Variants in NEURL1 observed in about 807,000 individuals in gnomAD.
NEURL1 encodes E3 ubiquitin-protein ligase NEURL1.
NEURL1 carries 26 observed loss-of-function variants against 41.2 expected under a neutral mutation model. The ratio of observed to expected loss-of-function variants is 0.63; its 90% CI spans 0.46 to 0.87. NEURL1 has a LOEUF of 0.87. Among genes scored for constraint, NEURL1 ranks in the 40% least tolerant of loss-of-function variants. The pLI, the probability that NEURL1 is intolerant of heterozygous loss-of-function variation, is 0.00. For missense variants in NEURL1, 761 were observed against 871.1 expected, an observed-to-expected ratio of 0.87 and a Z score of 1.59; for synonymous variants, 400 against 402.3, an observed-to-expected ratio of 0.99 and a Z score of 0.07.
At position 103,574,989 on chromosome 10, in the gene NEURL1, A is replaced by AT. The variant is rs35652840; in HGVS notation, c.649+3181dup. ...ATATCCCTTCATTTATTCTTCCTGA[A>AT]TTTTTTTTTTTTTTGGTAAAGAGAG... On this transcript the variant is annotated intron_variant, in intron 3 of 5. Coordinates refer to ENST00000369780, the MANE Select transcript of NEURL1 (RefSeq NM_004210.5). Among the ~76,000 whole-genome samples the AT allele has an allele frequency of 8.5e-3, 1,231 of 145,142 alleles. 16 individuals carry two copies. Among genetic ancestry groups the AT allele is most frequent in the African/African-American group, 0.026 (1,038 of 39,220 alleles).
intron 1 of NEURL1, among the ~76,000 whole-genome samples, chr10:103,525,299 A>G (rs1244910957): frequency 6.7e-6 from 1 of 148,174 alleles, no homozygotes; most frequent in Non-Finnish European, 1.5e-5. Context: ...TACTGAATTC[A>G]TTTATTAGTT....
chr10:103,574,227 G>A lies in NEURL1; in HGVS notation c.649+2405G>A, dbSNP rs544978848. Among the ~76,000 whole-genome samples the A allele has an allele frequency of 3.9e-5, 6 of 152,350 alleles. No individual in the cohort carries two copies. In the South Asian group the frequency reaches 1.2e-3, roughly 32 times the overall value. ...AGGCTCATTGGGAAGTTAGGGAGAT[G>A]AAGCAAACACTCCAGACGATGCAAG... On this transcript the variant is annotated intron_variant, in intron 3 of 5. Coordinates refer to ENST00000369780, the MANE Select transcript of NEURL1 (RefSeq NM_004210.5).
chr10:103,590,493 A>C lies in NEURL1; in HGVS notation c.*121A>C, dbSNP rs2036018542. On this transcript the variant is annotated 3_prime_UTR_variant, in exon 6 of 6. Transcript: ENST00000369780. The stretch of plus-strand genomic sequence containing the variant: ...TTTGGAAACTTTTCCTCCTCTATTA[A>C]ACATGGGAAACTGAAGCCCTTGAAG... The C allele has an allele frequency of 1.5e-5, 11 of 731,230 alleles. No homozygotes were observed. Among genetic ancestry groups the C allele is most frequent in the Non-Finnish European group, 2.3e-5 (10 of 438,790 alleles). The allele number at this position is 731,230 out of a possible 1,614,324, so 45.3% of individuals were successfully genotyped here. A position where few individuals can be genotyped will look rare whatever the true frequency, so the allele number is the denominator to read the frequency against.
intron 3 of NEURL1, among the ~76,000 whole-genome samples, chr10:103,572,860 G>A (rs7068081): frequency 0.57 from 86,748 of 151,978 alleles, 25,577 homozygotes; most frequent in African/African-American, 0.71. Context: ...AGTTCCATCA[G>A]GGAGGCTGTG....
chr10:103,535,261 C>T (rs1031075798), intron 1 of NEURL1, among the ~76,000 whole-genome samples: 3 of 152,116 alleles, frequency 2.0e-5, no homozygotes, highest in Non-Finnish European at 2.9e-5. Flanking sequence ...AGGGGTATGT[C>T]AGCGGCTCAG....
intron 1 of NEURL1, among the ~76,000 whole-genome samples, chr10:103,548,895 TC>T (rs1320379317): frequency 6.6e-6 from 1 of 152,154 alleles, no homozygotes; most frequent in East Asian, 1.9e-4. Flanking sequence ...AGACCAGAGC[TC>T]CCACCCTCCA....
At chr10:103,587,002 G>C (rs2035937169) in intron 4 of NEURL1, among the ~76,000 whole-genome samples, 2 of 152,110 alleles carry the variant, frequency 1.3e-5, no homozygotes, top group Admixed American at 1.3e-4. Context: ...AGTGACCTGA[G>C]ATAGTGGCAC....
intron 1 of NEURL1, among the ~76,000 whole-genome samples, chr10:103,521,882 A>G (rs2034356586): frequency 6.6e-6 from 1 of 152,230 alleles, no homozygotes; most frequent in Non-Finnish European, 1.5e-5. Flanking sequence ...TGTGTGAGCA[A>G]CAAGGCTGTT....
chr10:103,570,144 G>A (rs772817360), intron 1 of NEURL1, among the ~76,000 whole-genome samples: 3 of 152,164 alleles, frequency 2.0e-5, no homozygotes, highest in Non-Finnish European at 4.4e-5. Context: ...GGCTTTCTAC[G>A]GCTCCACCCT....
chr10:103,549,906 C>A (rs974263608), intron 1 of NEURL1, among the ~76,000 whole-genome samples: 1 of 152,244 alleles, frequency 6.6e-6, no homozygotes, highest in Admixed American at 6.5e-5. Context: ...GTGGCCTTGG[C>A]AAAGTCTCTA....
intron 3 of NEURL1, among the ~76,000 whole-genome samples, chr10:103,575,893 C>T (rs913214926): frequency 1.3e-5 from 2 of 152,230 alleles, no homozygotes; most frequent in Non-Finnish European, 2.9e-5. Flanking sequence ...GCTCCTATCC[C>T]AGTATCTCAA....
intron 1 of NEURL1, among the ~76,000 whole-genome samples, chr10:103,513,740 G>A (rs150711133): frequency 1.9e-3 from 270 of 141,992 alleles, no homozygotes; most frequent in African/African-American, 6.5e-3. Context: ...GGGCCAGGGT[G>A]CCTCTGGCCT....
intron 1 of NEURL1, among the ~76,000 whole-genome samples, chr10:103,539,914 G>T (rs1482035822): frequency 6.6e-6 from 1 of 152,212 alleles, no homozygotes; most frequent in Non-Finnish European, 1.5e-5. Context: ...TGCCTGGAAT[G>T]TGGGCAAGCT....
chr10:103,587,712 A>G (rs960617975), intron 4 of NEURL1, among the ~76,000 whole-genome samples: 6 of 152,264 alleles, frequency 3.9e-5, no homozygotes, highest in Admixed American at 1.3e-4. Context: ...AAAGTCAGGA[A>G]TATAATAGAG....
intron 1 of NEURL1, chr10:103,515,435 G>C (rs576080331): frequency 6.6e-6 from 1 of 152,386 alleles, no homozygotes; most frequent in African/African-American, 2.4e-5. Flanking sequence ...TAGAAAGTGT[G>C]GGCCTGGGGA....
chr10:103,514,096 CTTTTTCTTTT>C (rs920130007), intron 1 of NEURL1, among the ~76,000 whole-genome samples: 7 of 151,848 alleles, frequency 4.6e-5, no homozygotes, highest in Non-Finnish European at 8.8e-5. Flanking sequence ...GGGGATGTTT[CTTTTTCTTTT>C]TTTTTCTTTT....
intron 1 of NEURL1, among the ~76,000 whole-genome samples, chr10:103,501,914 G>A (rs1232699958): frequency 6.6e-6 from 1 of 152,088 alleles, no homozygotes; most frequent in Non-Finnish European, 1.5e-5. Flanking sequence ...GATTATAGGC[G>A]TGAGCCACCA....
intron 1 of NEURL1, among the ~76,000 whole-genome samples, chr10:103,498,521 A>C (rs933915467): frequency 4.6e-5 from 7 of 152,140 alleles, no homozygotes; most frequent in Non-Finnish European, 1.0e-4. Flanking sequence ...CCACCGCGCC[A>C]GGCCCATTGT....
At chr10:103,504,525 A>G (rs2033903124) in intron 1 of NEURL1, among the ~76,000 whole-genome samples, 1 of 152,228 alleles carries the variant, frequency 6.6e-6, no homozygotes, top group Non-Finnish European at 1.5e-5. Flanking sequence ...CATGCTGTCA[A>G]CATGACTCAT....
Sources: allele counts gnomAD v4.1 joint callset (sites outside exome capture counted in the v4.1 genomes callset), GRCh38; gene constraint gnomAD v4.1.1; transcripts MANE v1.5; gene names NCBI Gene and HGNC (gene_info 2026-07-23, HGNC 2026-07-21).